The following GPSM2 variants were observed in gnomAD, a reference collection of about 807,000 sequenced individuals.
GPSM2 encodes the protein G protein signaling modulator 2.
Under a neutral mutation model 78.4 loss-of-function variants are expected in GPSM2, and 58 were observed. The observed-to-expected ratio is 0.74, with a 90% CI of 0.60 to 0.92. GPSM2 has a LOEUF of 0.92. Ranked by LOEUF, GPSM2 falls within the 40% of genes least tolerant of loss-of-function variation. The pLI is 0.00. For synonymous variants in GPSM2, 224 were observed against 280.2 expected (o/e 0.80, Z 2.00); for missense variants, 700 against 815.5 (o/e 0.86, Z 1.73).
intron 14 of GPSM2, among the ~76,000 whole-genome samples, chr1:108,927,701 G>A (rs1034207342): frequency 2.6e-5 from 4 of 152,308 alleles, no homozygotes; most frequent in Middle Eastern, 3.4e-3. Context: ...AGCATGTGGT[G>A]GCTTATACCT....
chr1:108,877,151 C>G lies in GPSM2; in HGVS notation c.-326C>G, dbSNP rs1665664124. ...CGGTGCCCCTGCCTTGGGGAGGGGC[C>G]GTGACCACCCGTCTGTCGCCCGAGG... On this transcript the variant is annotated 5_prime_UTR_variant, in exon 1 of 15. Transcript: ENST00000264126. The G allele has an allele frequency of 6.6e-6, 1 of 152,168 alleles. No homozygotes were observed. Among genetic ancestry groups the G allele is most frequent in the Non-Finnish European group, 1.5e-5 (1 of 68,052 alleles). 9.4% of individuals were successfully genotyped at this position (152,168 alleles called of 1,614,324 possible).
At chr1:108,894,136 G>A (rs907682534) in intron 2 of GPSM2, among the ~76,000 whole-genome samples, 1 of 151,994 alleles carries the variant, frequency 6.6e-6, no homozygotes, top group African/African-American at 2.4e-5. Flanking sequence ...ATCTTAAACA[G>A]ATATACTCAA....
At chr1:108,885,898 T>A (rs1011738630) in intron 2 of GPSM2, among the ~76,000 whole-genome samples, 4 of 152,200 alleles carry the variant, frequency 2.6e-5, no homozygotes, top group Non-Finnish European at 4.4e-5. Flanking sequence ...GTGGATTTTT[T>A]AAAAATGTGG....
chr1:108,885,685 C>A, intron 2 of GPSM2, 107 bp downstream of exon 2: 2 of 770,832 alleles, frequency 2.6e-6, no homozygotes, highest in Non-Finnish European at 4.7e-6. Context: ...AATATACCAG[C>A]CATAGTATTG....
intron 1 of GPSM2, among the ~76,000 whole-genome samples, chr1:108,883,581 T>TG (rs140623891): frequency 2.4e-3 from 359 of 152,358 alleles, no homozygotes; most frequent in African/African-American, 8.4e-3. Flanking sequence ...ACTTTATGAT[T>TG]GTATATCTAC....
chr1:108,914,839 T>G (rs888789942), intron 11 of GPSM2, among the ~76,000 whole-genome samples: 2 of 152,152 alleles, frequency 1.3e-5, no homozygotes, highest in African/African-American at 2.4e-5. Flanking sequence ...ATAGCAACAT[T>G]ATTGCCAAGA....
intron 10 of GPSM2, among the ~76,000 whole-genome samples, chr1:108,912,353 C>T (rs1179669002): frequency 3.9e-5 from 6 of 152,042 alleles, no homozygotes; most frequent in Non-Finnish European, 8.8e-5. Flanking sequence ...GAGTAGAGAG[C>T]CTATATTCCT....
chr1:108,886,440 C>A (rs955934978), intron 2 of GPSM2, among the ~76,000 whole-genome samples: 2 of 152,314 alleles, frequency 1.3e-5, no homozygotes, highest in East Asian at 1.9e-4. Context: ...GAAAGCAAGT[C>A]AGGCTGAGGA....
chr1:108,925,208 G>T (rs1651031611), intron 14 of GPSM2, among the ~76,000 whole-genome samples: 2 of 152,112 alleles, frequency 1.3e-5, no homozygotes, highest in South Asian at 4.1e-4. Context: ...CAAGTTTGGA[G>T]AGAAAAAGCA....
chr1:108,930,833 G>A lies in GPSM2; in HGVS notation c.*893G>A, dbSNP rs1431645012. 6.5e-6 allele frequency: 1 copy of A among 152,776 alleles called. No individual in the cohort carries two copies. The highest frequency in any genetic ancestry group is 1.5e-5 in the Non-Finnish European group (1 of 68,700). 9.5% of individuals were successfully genotyped at this position (152,776 alleles called of 1,614,324 possible). A position where few individuals can be genotyped will look rare whatever the true frequency, so the allele number is the denominator to read the frequency against. ...GAACCCCTGGGAGGCAGAGATTGCA[G>A]TGAGCTGAGACCAAGCCACTGGACT... On this transcript the variant is annotated 3_prime_UTR_variant, in exon 15 of 15. Coordinates refer to ENST00000264126, the MANE Select transcript of GPSM2 (RefSeq NM_013296.5).
At chr1:108,882,954 G>C (rs1282530194) in intron 1 of GPSM2, among the ~76,000 whole-genome samples, 1 of 152,152 alleles carries the variant, frequency 6.6e-6, no homozygotes, top group Admixed American at 6.5e-5. Context: ...TGTAGTCCCA[G>C]CTACTTGGGA....
chr1:108,912,733 G>T (rs1039096168), intron 10 of GPSM2, among the ~76,000 whole-genome samples: 3 of 151,926 alleles, frequency 2.0e-5, no homozygotes, highest in Non-Finnish European at 2.9e-5. Context: ...AACAGAGCAA[G>T]ACCTCTTCTC....
At chr1:108,899,925 T>A (rs1270149396) in intron 7 of GPSM2, among the ~76,000 whole-genome samples, 1 of 152,204 alleles carries the variant, frequency 6.6e-6, no homozygotes, top group Non-Finnish European at 1.5e-5. Context: ...TAGTTAGATA[T>A]GAAATAGCCT....
At chr1:108,907,094 T>C (rs1483761976) in intron 10 of GPSM2, among the ~76,000 whole-genome samples, 1 of 152,204 alleles carries the variant, frequency 6.6e-6, no homozygotes, top group Non-Finnish European at 1.5e-5. Flanking sequence ...TCAGCCTCTT[T>C]TCCTGCCACT....
chr1:108,887,188 G>A (rs369737898), intron 2 of GPSM2, among the ~76,000 whole-genome samples: 14 of 151,988 alleles, frequency 9.2e-5, no homozygotes, highest in Non-Finnish European at 1.8e-4. Flanking sequence ...AAGCCCGGCC[G>A]GAAATCTAAA....
chr1:108,918,534 G>A, intron 11 of GPSM2, 79 bp from the exon 12 acceptor site: 2 of 1,044,858 alleles, frequency 1.9e-6, no homozygotes, highest in Non-Finnish European at 3.0e-6. Context: ...AGTACGTCAG[G>A]TTAATATTAT....
chr1:108,898,096 TTA>T lies in GPSM2; in HGVS notation c.554_555del (p.Tyr185Ter). On this transcript the variant is annotated frameshift_variant, in exon 5 of 15. Transcript: ENST00000264126. LOFTEE classifies it high-confidence loss of function. ...ATGCTCTGCAGGCAGCCGTGGATTT[TTA>T]TGAGTGAGTAGGGGCTGATATGGGC... ...RDALQAAVDF[Y>X]EENLSLVTAL... The T allele has an allele frequency of 6.2e-7, 1 of 1,613,986 alleles. No individual in the cohort carries two copies. Among genetic ancestry groups the T allele is most frequent in the Non-Finnish European group, 8.5e-7 (1 of 1,179,886 alleles).
chr1:108,898,547 A>C, intron 5 of GPSM2, 95 bp from the exon 6 acceptor site: 1 of 1,160,052 alleles, frequency 8.6e-7, no homozygotes, highest in Admixed American at 1.9e-5. Context: ...AAGCTTCCCT[A>C]CATTTTTTTC....
chr1:108,882,918 C>G (rs1647233331), intron 1 of GPSM2, among the ~76,000 whole-genome samples: 1 of 152,090 alleles, frequency 6.6e-6, no homozygotes, highest in African/African-American at 2.4e-5. Context: ...AAATACTGCT[C>G]CCTAGCCCGT....
Sources: allele counts gnomAD v4.1 joint callset (sites outside exome capture counted in the v4.1 genomes callset), GRCh38; gene constraint gnomAD v4.1.1; transcripts MANE v1.5; gene names NCBI Gene and HGNC (gene_info 2026-07-23, HGNC 2026-07-21).